The following KLF12 variants were observed in gnomAD, a reference collection of about 807,000 sequenced individuals.
KLF12 encodes the protein KLF transcription factor 12.
Under a neutral mutation model 37.8 loss-of-function variants are expected in KLF12, and 9 were observed. The observed-to-expected ratio is 0.24, with a 90% confidence interval of 0.14 to 0.42. KLF12 has a LOEUF of 0.42. Ranked by LOEUF, KLF12 falls within the 10% of genes least tolerant of loss-of-function variation. KLF12 has a pLI of 1.00. For synonymous variants in KLF12, 208 were observed against 202.1 expected (o/e 1.03, Z -0.25); for missense variants, 411 against 516.0 (o/e 0.80, Z 1.97).
the KLF12 span, among the ~76,000 whole-genome samples, chr13:74,275,858 C>CTTTCTTTCTT: frequency 1.8e-5 from 2 of 113,856 alleles, no homozygotes; most frequent in African/African-American, 7.1e-5. Context: ...TTCTTTCTTT[C>CTTTCTTTCTT]TTTCTTTCTA....
chr13:73,935,509 C>T (rs1240118836), intron 3 of KLF12, among the ~76,000 whole-genome samples: 1 of 152,074 alleles, frequency 6.6e-6, no homozygotes, highest in East Asian at 1.9e-4. Flanking sequence ...TCATTAATGG[C>T]TTGGTGTTGT....
intron 1 of KLF12, among the ~76,000 whole-genome samples, chr13:74,017,852 G>T (rs949641724): frequency 1.3e-5 from 2 of 152,046 alleles, no homozygotes; most frequent in Admixed American, 1.3e-4. Flanking sequence ...TAACCCTCCA[G>T]GGATGAACTA....
chr13:74,046,933 T>G (rs1893563019), intron 1 of KLF12, among the ~76,000 whole-genome samples: 1 of 152,206 alleles, frequency 6.6e-6, no homozygotes, highest in African/African-American at 2.4e-5. Context: ...TCATTGATTC[T>G]CCTATAAATT....
intron 1 of KLF12, among the ~76,000 whole-genome samples, chr13:74,062,383 A>G (rs1307578325): frequency 6.6e-6 from 1 of 152,130 alleles, no homozygotes; most frequent in Non-Finnish European, 1.5e-5. Context: ...ACACTTTTAG[A>G]TCGTTTCGGA....
At position 74,128,771 on chromosome 13, in the gene KLF12, A is replaced by G. The variant is rs116218075; in HGVS notation, c.-32+4968T>C. On this transcript the variant is annotated intron_variant, in intron 1 of 7. Transcript: ENST00000377669. ...TCTTTTGTTACAAGTTAGCTCGATA[A>G]TTTCAAAGTGAGCACAGTATTACTA... is the stretch of plus-strand genomic sequence containing the variant. 8.4e-3 allele frequency among the ~76,000 whole-genome samples: 1,274 copies of G among 152,238 alleles called. 17 individuals carry two copies. Among genetic ancestry groups the G allele is most frequent in the African/African-American group, 0.029 (1,205 of 41,528 alleles).
chr13:74,169,694 T>G, the KLF12 span, among the ~76,000 whole-genome samples: 6 of 152,180 alleles, frequency 3.9e-5, no homozygotes, highest in Admixed American at 2.6e-4. Flanking sequence ...GTAAATTAAG[T>G]AAAAGAGGAA....
chr13:74,069,372 A>G (rs548611469), intron 1 of KLF12, among the ~76,000 whole-genome samples: 4 of 152,216 alleles, frequency 2.6e-5, no homozygotes, highest in African/African-American at 4.8e-5. Context: ...GGAAAAGAAA[A>G]TAAGTCTGGA....
intron 2 of KLF12, among the ~76,000 whole-genome samples, chr13:73,989,949 CAAGTGT>C (rs1891923489): frequency 6.8e-6 from 1 of 147,464 alleles, no homozygotes; most frequent in African/African-American, 2.5e-5. Flanking sequence ...GGCAGAGGTA[CAAGTGT>C]AAGTTCAGGA....
chr13:74,276,186 T>C, the KLF12 span, among the ~76,000 whole-genome samples: 1 of 151,930 alleles, frequency 6.6e-6, no homozygotes, highest in African/African-American at 2.4e-5. Flanking sequence ...TGTCCATGTG[T>C]TCTCATTGTT....
At position 73,688,893 on chromosome 13, in the gene KLF12, G is replaced by A. The variant is rs1297702548; in HGVS notation, c.*6597C>T. The A allele has an allele frequency of 1.3e-5, 2 of 152,122 alleles. No homozygotes were observed. Among genetic ancestry groups the A allele is most frequent in the African/African-American group, 4.8e-5 (2 of 41,442 alleles). The allele number at this position is 152,122 out of a possible 1,614,324, so 9.4% of individuals were successfully genotyped here. On this transcript the variant is annotated 3_prime_UTR_variant, in exon 8 of 8. Coordinates refer to ENST00000377669, the MANE Select transcript of KLF12 (RefSeq NM_007249.5). ...GATACAGGCAGACCTCCAGGTCAGA[G>A]ATAGGCGGTTTCACTTTCCTACTCT...
chr13:74,157,976 G>C, the KLF12 span, among the ~76,000 whole-genome samples: 1 of 152,156 alleles, frequency 6.6e-6, no homozygotes, highest in South Asian at 2.1e-4. Context: ...AGTTGTTGCT[G>C]CTTCTGCTGC....
At chr13:73,920,034 G>T (rs1200488399) in intron 3 of KLF12, among the ~76,000 whole-genome samples, 3 of 152,020 alleles carry the variant, frequency 2.0e-5, no homozygotes, top group Non-Finnish European at 4.4e-5. Context: ...CTCCGTTCGG[G>T]TGCTCTACTG....
chr13:74,161,157 G>A, the KLF12 span, among the ~76,000 whole-genome samples: 1 of 151,686 alleles, frequency 6.6e-6, no homozygotes, highest in Non-Finnish European at 1.5e-5. Flanking sequence ...TGAGAAAGGT[G>A]GTTTAGTTAG....
At chr13:73,887,260 G>T (rs1887275063) in intron 3 of KLF12, among the ~76,000 whole-genome samples, 1 of 152,124 alleles carries the variant, frequency 6.6e-6, no homozygotes, top group Admixed American at 6.5e-5. Flanking sequence ...ATGGCAAAGA[G>T]AATTAAAAGA....
At chr13:74,100,692 T>C (rs1876287867) in intron 1 of KLF12, among the ~76,000 whole-genome samples, 1 of 152,090 alleles carries the variant, frequency 6.6e-6, no homozygotes, top group African/African-American at 2.4e-5. Flanking sequence ...ACATAAACAC[T>C]GCTATAAGTG....
intron 3 of KLF12, among the ~76,000 whole-genome samples, chr13:73,863,306 A>C: frequency 6.6e-6 from 1 of 152,292 alleles, no homozygotes; most frequent in South Asian, 2.1e-4. Context: ...AGATTATATT[A>C]TAGCAGTATT....
chr13:74,173,903 G>A, the KLF12 span, among the ~76,000 whole-genome samples: 1 of 152,176 alleles, frequency 6.6e-6, no homozygotes, highest in East Asian at 1.9e-4. Flanking sequence ...AGAGATCATA[G>A]GCCATTGTTT....
chr13:73,901,560 G>C lies in KLF12; in HGVS notation c.123+42421C>G, dbSNP rs1172642926. Among the ~76,000 whole-genome samples the C allele has an allele frequency of 9.2e-5, 14 of 152,078 alleles. No individual in the cohort carries two copies. In the East Asian group the frequency reaches 2.5e-3, roughly 27 times the overall value. ...TCACTCTGTCCTGATGGTTATAAAT[G>C]ATTGTGGTCCTTCATTCTAAAAAAA... On this transcript the variant is annotated intron_variant, in intron 3 of 7. Coordinates refer to ENST00000377669, the MANE Select transcript of KLF12 (RefSeq NM_007249.5).
At chr13:73,797,933 T>C (rs966229023) in intron 5 of KLF12, among the ~76,000 whole-genome samples, 1 of 152,180 alleles carries the variant, frequency 6.6e-6, no homozygotes, top group Non-Finnish European at 1.5e-5. Context: ...TTCTTCCTGA[T>C]TGTTTTTTGG....
Sources: allele counts gnomAD v4.1 joint callset (sites outside exome capture counted in the v4.1 genomes callset), GRCh38; gene constraint gnomAD v4.1.1; transcripts MANE v1.5; gene names NCBI Gene and HGNC (gene_info 2026-07-23, HGNC 2026-07-21).